The following HNRNPM variants were observed in gnomAD, a reference collection of about 807,000 sequenced individuals.
The protein encoded by HNRNPM is CEA receptor.
Under a neutral mutation model 73.1 loss-of-function variants are expected in HNRNPM, and 11 were observed. That is an observed-to-expected ratio of 0.15 (90% confidence interval 0.09 to 0.25). The LOEUF (loss-of-function observed/expected upper bound fraction) is 0.25, where lower values mean the gene tolerates loss of function less well. HNRNPM is among the 10% of genes least tolerant of loss of function. The pLI, the probability that HNRNPM is intolerant of heterozygous loss-of-function variation, is 1.00. For synonymous variants in HNRNPM, 407 were observed against 355.2 expected (o/e 1.15, Z -1.64); for missense variants, 789 against 1,067.9 (o/e 0.74, Z 3.64).
At chr19:8,476,796 TG>T (rs1970538859) in intron 12 of HNRNPM, among the ~76,000 whole-genome samples, 1 of 152,018 alleles carries the variant, frequency 6.6e-6, no homozygotes, top group Non-Finnish European at 1.5e-5. Flanking sequence ...TGCAGACAGG[TG>T]GCAGGATGGA....
rs552514079 is a variant in HNRNPM at position 8,468,326 on chromosome 19, C to T, written c.835-448C>T. On this transcript the variant is annotated intron_variant, in intron 8 of 15. Coordinates refer to ENST00000325495, the MANE Select transcript of HNRNPM (RefSeq NM_005968.5). ...CAATCTTAATAAACATTTGCTCTGC[C>T]GTAACTGTGCCAAAGATAATAATTA... 1.0e-3 allele frequency among the ~76,000 whole-genome samples: 153 copies of T among 152,228 alleles called. 1 individual carries two copies. Among genetic ancestry groups the T allele is most frequent in the African/African-American group, 3.4e-3 (143 of 41,522 alleles).
At position 8,474,176 on chromosome 19, in the gene HNRNPM, G is replaced by C. The variant is rs753026177; in HGVS notation, c.1052G>C (p.Gly351Ala). The C allele has an allele frequency of 6.9e-6, 11 of 1,595,904 alleles. No homozygotes were observed. Among genetic ancestry groups the C allele is most frequent in the South Asian group, 5.7e-5 (5 of 88,478 alleles). ...TGAACCTCTCTTGCAGGAATGGAGG[G>C]GCCCTTTGGTGGTGGTATGGAAAAC... ...FGINKMGGME[G>A]PFGGGMENMG... is the part of the protein sequence containing the mutation. Residue 351 changes from glycine (G) to alanine (A), a missense_variant, in exon 12 of 16, where the codon GGG becomes GCG. Coordinates refer to ENST00000325495, the MANE Select transcript of HNRNPM (RefSeq NM_005968.5).
At chr19:8,468,438 T>C (rs1238825612) in intron 8 of HNRNPM, among the ~76,000 whole-genome samples, 1 of 152,220 alleles carries the variant, frequency 6.6e-6, no homozygotes, top group East Asian at 1.9e-4. Flanking sequence ...ATTTTTTCAT[T>C]ACTCTAAATA....
At position 8,488,921 on chromosome 19, in the gene HNRNPM, A is replaced by C. The variant is rs1971511637; in HGVS notation, c.*67A>C. The C allele has an allele frequency of 1.4e-6, 2 of 1,407,794 alleles. No homozygotes were observed. Among genetic ancestry groups the C allele is most frequent in the Admixed American group, 2.1e-5 (1 of 47,036 alleles). 87.2% of individuals were successfully genotyped at this position (1,407,794 alleles called of 1,614,324 possible). ...TGTATTTTTTCTTGTTAACCATTTT[A>C]ATTTGTTGGCTGGATGTATAAAGAT... is the stretch of plus-strand genomic sequence containing the variant. On this transcript the variant is annotated 3_prime_UTR_variant, in exon 16 of 16. Coordinates refer to ENST00000325495, the MANE Select transcript of HNRNPM (RefSeq NM_005968.5).
intron 1 of HNRNPM, among the ~76,000 whole-genome samples, chr19:8,454,225 TA>T (rs1305624161): frequency 6.6e-6 from 1 of 152,250 alleles, no homozygotes; most frequent in African/African-American, 2.4e-5. Flanking sequence ...CAGTATTTAA[TA>T]ACTTCCCATT....
intron 10 of HNRNPM, among the ~76,000 whole-genome samples, chr19:8,471,950 A>G (rs1190750874): frequency 1.3e-5 from 2 of 152,188 alleles, no homozygotes; most frequent in Non-Finnish European, 2.9e-5. Flanking sequence ...AGGTGGGCGG[A>G]TCACAAGGTC....
intron 6 of HNRNPM, 28 bp from the exon 7 acceptor site, chr19:8,466,207 G>A (rs979538695): frequency 6.3e-7 from 1 of 1,595,770 alleles, no homozygotes; most frequent in East Asian, 2.3e-5. Context: ...TTTACATTGA[G>A]GTTTTTACCC....
rs963013153 is a variant in HNRNPM at position 8,486,945 on chromosome 19, G to C, written c.1978-79G>C. On this transcript the variant is annotated intron_variant, in intron 14 of 15. Transcript: ENST00000325495. ...TCGGTATAGTGAGAAATCTAGCATG[G>C]CCCTCAGAGCCAGCTGCAAGGCATG... 1.5e-5 allele frequency: 16 copies of C among 1,088,848 alleles called. No individual in the cohort carries two copies. The African/African-American group carries it at 2.0e-4, about 14-fold the overall frequency. 67.4% of individuals were successfully genotyped at this position (1,088,848 alleles called of 1,614,324 possible).
At chr19:8,472,044 G>A (rs769863621) in intron 10 of HNRNPM, among the ~76,000 whole-genome samples, 4 of 152,008 alleles carry the variant, frequency 2.6e-5, no homozygotes, top group South Asian at 2.1e-4. Context: ...GGTGGCGCAC[G>A]CCTGTAATCC....
chr19:8,488,412 C>A (rs1971469410), intron 15 of HNRNPM: 1 of 338,112 alleles, frequency 3.0e-6, no homozygotes, highest in South Asian at 6.8e-5. Context: ...TGGGAACTTT[C>A]TGCCTATAAA....
At chr19:8,448,446 G>A (rs1283139257) in intron 1 of HNRNPM, among the ~76,000 whole-genome samples, 2 of 151,118 alleles carry the variant, frequency 1.3e-5, no homozygotes, top group Non-Finnish European at 2.9e-5. Flanking sequence ...TAAAATAAAT[G>A]ACTTAACCTG....
In HNRNPM at chr19:8,486,121, C is replaced by T. The variant is rs753148684; in HGVS notation, c.1693C>T (p.Arg565Trp). ...LERMGANNLE[R>W]MGLERMGANS... ...GCGCATGGGCGCCAACAATCTGGAG[C>T]GGATGGGCCTGGAGCGCATGGGCGC... The change falls in exon 14 of 16, where the codon CGG becomes TGG. Residue 565 changes from arginine to tryptophan, a missense_variant. By Grantham distance (101) the Arg-to-Trp change is moderately radical. This residue lies in a region of HNRNPM where 604 missense variants were observed against 744.0 expected (regional missense o/e 0.81). Transcript: ENST00000325495. 2 of 1,604,440 alleles carry T rather than the reference C, an allele frequency of 1.2e-6. No individual in the cohort carries two copies. Among genetic ancestry groups the T allele is most frequent in the South Asian group, 1.1e-5 (1 of 90,942 alleles).
intron 1 of HNRNPM, among the ~76,000 whole-genome samples, chr19:8,450,932 G>T (rs542648237): frequency 1.3e-5 from 2 of 151,864 alleles, no homozygotes; most frequent in East Asian, 3.9e-4. Context: ...TTGAGACGGA[G>T]TTTCACTCTT....
intron 1 of HNRNPM, among the ~76,000 whole-genome samples, chr19:8,447,613 A>G (rs1341174152): frequency 1.3e-5 from 2 of 152,122 alleles, no homozygotes; most frequent in African/African-American, 4.8e-5. Flanking sequence ...TGCTGGGTGT[A>G]GTGGCTCACA....
chr19:8,457,354 G>A (rs1375767267), intron 2 of HNRNPM, among the ~76,000 whole-genome samples: 1 of 152,192 alleles, frequency 6.6e-6, no homozygotes, highest in Non-Finnish European at 1.5e-5. Context: ...GCACTCTTAA[G>A]TGTGGAGCCA....
chr19:8,468,328 T>A (rs1969898434), intron 8 of HNRNPM, among the ~76,000 whole-genome samples: 2 of 152,218 alleles, frequency 1.3e-5, no homozygotes, highest in Non-Finnish European at 2.9e-5. Context: ...TGCTCTGCCG[T>A]AACTGTGCCA....
At position 8,485,631 on chromosome 19, in the gene HNRNPM, C is replaced by G; in HGVS notation, c.1203C>G (p.Ile401Met). The stretch of plus-strand genomic sequence containing the variant: ...GAGGTGGAGGAAGCGTCCCTGGGAT[C>G]GAGAGGATGGGTCCTGGCATTGACC... The part of the protein sequence containing the change: ...GGGGGGSVPG[I>M]ERMGPGIDRL... Residue 401 changes from isoleucine (I) to methionine (M), a missense_variant, in exon 14 of 16, where the codon ATC (isoleucine) becomes ATG (methionine). Ile to Met is a conservative substitution (Grantham distance 10). Coordinates refer to ENST00000325495, the MANE Select transcript of HNRNPM (RefSeq NM_005968.5). The G allele has an allele frequency of 1.2e-6, 2 of 1,603,230 alleles. No individual in the cohort carries two copies. Among genetic ancestry groups the G allele is most frequent in the Non-Finnish European group, 1.7e-6 (2 of 1,176,314 alleles).
chr19:8,458,515 C>T (rs571378862), intron 2 of HNRNPM, among the ~76,000 whole-genome samples: 28 of 152,338 alleles, frequency 1.8e-4, no homozygotes, highest in African/African-American at 6.7e-4. Flanking sequence ...CTTCTCTTGA[C>T]CTCACCAGGC....
chr19:8,472,833 C>T (rs904160433), intron 10 of HNRNPM, among the ~76,000 whole-genome samples: 2 of 152,320 alleles, frequency 1.3e-5, no homozygotes, highest in East Asian at 1.9e-4. Context: ...CCACCCGCCT[C>T]GGCTTCCTGA....
Sources: allele counts gnomAD v4.1 joint callset (sites outside exome capture counted in the v4.1 genomes callset), GRCh38; gene constraint gnomAD v4.1.1; regional missense constraint gnomAD v4.1.1; transcripts MANE v1.5; gene names NCBI Gene and HGNC (gene_info 2026-07-23, HGNC 2026-07-21).